The following PHYHD1 variants were observed in gnomAD, a reference collection of about 807,000 sequenced individuals.
The protein encoded by PHYHD1 is phytanoyl-CoA dioxygenase domain-containing protein 1.
In PHYHD1, 42 loss-of-function variants were observed where a neutral mutation model predicts 43.6. The ratio of observed to expected loss-of-function variants is 0.96; its 90% confidence interval spans 0.75 to 1.25. The LOEUF is 1.25. Among genes scored for constraint, PHYHD1 ranks in the 50% most tolerant of loss-of-function variants. PHYHD1 has a pLI of 0.00. For synonymous variants in PHYHD1, 139 were observed against 143.6 expected, an observed-to-expected ratio of 0.97 and a Z score of 0.23; for missense variants, 342 against 370.8, an observed-to-expected ratio of 0.92 and a Z score of 0.64.
intron 11 of PHYHD1, 145 bp from the exon 12 acceptor site, chr9:128,941,300 G>A: frequency 3.7e-6 from 4 of 1,070,606 alleles, no homozygotes; most frequent in East Asian, 2.4e-5. Context: ...GAGGGAGGCT[G>A]CAGATGCCTG....
chr9:128,941,450 C>G lies in PHYHD1; in HGVS notation c.709C>G (p.Leu237Val). 1 of 1,613,412 alleles carries G rather than the reference C, an allele frequency of 6.2e-7. No individual in the cohort carries two copies. Among genetic ancestry groups the G allele is most frequent in the Non-Finnish European group, 8.5e-7 (1 of 1,179,984 alleles). ...CCTGCTTGTGTCTCTGCCAGGGGCC[C>G]TGGTCCTCATCCATGGAGAAGTGGT... Reference protein sequence around the residue: ...FVPTPVQRGALVLIHGEVVHK... With the variant: ...FVPTPVQRGAVVLIHGEVVHK... The change falls in exon 12 of 13, where the codon CTG (leucine) becomes GTG (valine). Residue 237 changes from leucine to valine, a missense_variant. Physicochemically the swap from Leu to Val is conservative, Grantham distance 32 (BLOSUM62 1). Coordinates refer to ENST00000372592, the MANE Select transcript of PHYHD1 (RefSeq NM_001100876.2).
chr9:128,940,523 A>G, intron 10 of PHYHD1, 26 bp downstream of exon 10: 1 of 1,614,040 alleles, frequency 6.2e-7, no homozygotes, highest in East Asian at 2.2e-5. Flanking sequence ...TCTTCTGCCC[A>G]CTTGGGACTC....
In PHYHD1 at chr9:128,933,779, C is replaced by T; in HGVS notation, c.193-3C>T. On this transcript the variant is annotated splice_polypyrimidine_tract_variant and splice_region_variant and intron_variant, in intron 4 of 12. Transcript: ENST00000372592. The stretch of plus-strand genomic sequence containing the variant: ...TCAGTCCTCTGATGTCCCCTTTCCA[C>T]AGGGCAGCACAGACTATTTCTTGAG... 2 of 1,613,998 alleles carry T rather than the reference C, an allele frequency of 1.2e-6. No individual in the cohort carries two copies. Among genetic ancestry groups the T allele is most frequent in the Non-Finnish European group, 1.7e-6 (2 of 1,179,870 alleles).
At chr9:128,925,153 C>T (rs892712178) in intron 3 of PHYHD1, among the ~76,000 whole-genome samples, 14 of 151,550 alleles carry the variant, frequency 9.2e-5, no homozygotes, top group South Asian at 4.2e-4. Context: ...CCCATGGTGG[C>T]GGAAGGGGTG....
chr9:128,923,536 C>T (rs888050698), intron 3 of PHYHD1, among the ~76,000 whole-genome samples: 2 of 152,340 alleles, frequency 1.3e-5, no homozygotes, highest in Non-Finnish European at 2.9e-5. Flanking sequence ...TTTTTATCAG[C>T]TATACTGTGT....
chr9:128,937,076 A>G (rs1481697876), intron 8 of PHYHD1, among the ~76,000 whole-genome samples: 1 of 151,726 alleles, frequency 6.6e-6, no homozygotes, highest in Non-Finnish European at 1.5e-5. Flanking sequence ...GATCACGCCA[A>G]TGTACTCTAG....
intron 6 of PHYHD1, among the ~76,000 whole-genome samples, chr9:128,934,725 G>A (rs1357892000): frequency 6.6e-6 from 1 of 151,310 alleles, no homozygotes; most frequent in East Asian, 1.9e-4. Flanking sequence ...CCGATATCAT[G>A]CCATTGCACT....
chr9:128,937,492 C>T lies in PHYHD1; in HGVS notation c.436-265C>T, dbSNP rs17485367. 3.9e-3 allele frequency among the ~76,000 whole-genome samples: 594 copies of T among 152,304 alleles called. 10 individuals are homozygous for T. The highest frequency in any genetic ancestry group is 0.014 in the African/African-American group (571 of 41,578). ...CTGGCCTGTGTCCTAGCCTCTCCCTCCAGTCCTTGCCCTGCTCTGCTCTGT... is the reference window on the plus strand; with the variant it reads ...CTGGCCTGTGTCCTAGCCTCTCCCTTCAGTCCTTGCCCTGCTCTGCTCTGT... On this transcript the variant is annotated intron_variant, in intron 8 of 12. Coordinates refer to ENST00000372592, the MANE Select transcript of PHYHD1 (RefSeq NM_001100876.2).
Position 128,940,620 on chromosome 9 carries a change from TC to T in PHYHD1, c.610del (p.Arg204GlyfsTer102), listed in dbSNP as rs1841533838. Reference sequence around the variant, plus strand: ...GCAGGTGGTGTGTCAAGAAGGATGGTCCGGGCCCCTGTTGGCTCAGCGCCTG... The same window carrying T: ...GCAGGTGGTGTGTCAAGAAGGATGGTCGGGCCCCTGTTGGCTCAGCGCCTG... ...SHTSGVSRRM[V>X]RAPVGSAPGT... On this transcript the variant is annotated frameshift_variant, in exon 11 of 13. Transcript: ENST00000372592. LOFTEE classifies it high-confidence loss of function. The T allele has an allele frequency of 1.2e-6, 2 of 1,614,048 alleles. No individual in the cohort carries two copies. Among genetic ancestry groups the T allele is most frequent in the Non-Finnish European group, 1.7e-6 (2 of 1,180,038 alleles).
At chr9:128,939,371 G>A (rs1426081884) in intron 9 of PHYHD1, among the ~76,000 whole-genome samples, 1 of 126,758 alleles carries the variant, frequency 7.9e-6, no homozygotes, top group Non-Finnish European at 1.8e-5. Flanking sequence ...CTAAGGTCAG[G>A]AGTTTGAGAC....
At position 128,941,429 on chromosome 9, in the gene PHYHD1, C is replaced by T; in HGVS notation, c.704-16C>T. 1 of 1,612,052 alleles carries T rather than the reference C, an allele frequency of 6.2e-7. No individual in the cohort carries two copies. Among genetic ancestry groups the T allele is most frequent in the Non-Finnish European group, 8.5e-7 (1 of 1,179,954 alleles). ...GTGGGGCTGGTAGGTTCCTGACCTG[C>T]TTGTGTCTCTGCCAGGGGCCCTGGT... On this transcript the variant is annotated splice_polypyrimidine_tract_variant and intron_variant, in intron 11 of 12. Transcript: ENST00000372592.
intron 6 of PHYHD1, 24 bp from the exon 7 acceptor site, chr9:128,936,424 C>T (rs772677994): frequency 7.5e-6 from 12 of 1,602,042 alleles, no homozygotes; most frequent in Non-Finnish European, 1.0e-5. Context: ...GAGATGGGGC[C>T]GACAGCTTCC....
chr9:128,932,178 A>ATTTTTTTTTTTTTTTTT (rs200138931), intron 4 of PHYHD1, among the ~76,000 whole-genome samples: 2 of 107,894 alleles, frequency 1.9e-5, no homozygotes, highest in African/African-American at 9.0e-5. Context: ...TGTTATTATT[A>ATTTTTTTTTTTTTTTTT]TTATTATTTT....
intron 4 of PHYHD1, among the ~76,000 whole-genome samples, chr9:128,931,648 T>C (rs962020107): frequency 1.3e-5 from 2 of 151,598 alleles, no homozygotes; most frequent in Non-Finnish European, 2.9e-5. Context: ...CCTCAGCCTC[T>C]GGAGTAGCTG....
Position 128,933,822 on chromosome 9 carries a change from G to A in PHYHD1, c.233G>A (p.Arg78Gln), listed in dbSNP as rs758462227. The A allele has an allele frequency of 6.8e-6, 11 of 1,614,012 alleles. No homozygotes were observed. The highest frequency in any genetic ancestry group is 6.7e-5 in the African/African-American group (5 of 74,914). ...DYFLSSGDKI[R>Q]FFFEKGVFDE... ...TTCTTGAGCAGTGGTGACAAGATTC[G>A]ATTCTTCTTTGAGAAAGGCGTTTTT... Residue 78 changes from arginine to glutamine, a missense_variant, in exon 5 of 13, where the codon CGA (arginine) becomes CAA (glutamine). Physicochemically the swap from Arg to Gln is conservative, Grantham distance 43. Coordinates refer to ENST00000372592, the MANE Select transcript of PHYHD1 (RefSeq NM_001100876.2).
intron 6 of PHYHD1, among the ~76,000 whole-genome samples, chr9:128,934,424 G>A (rs1007917970): frequency 1.3e-4 from 20 of 150,434 alleles, no homozygotes; most frequent in East Asian, 7.8e-4. Flanking sequence ...AAAGGAAAAA[G>A]CATGGGGAAA....
intron 9 of PHYHD1, among the ~76,000 whole-genome samples, chr9:128,940,018 T>C (rs1219044420): frequency 6.6e-6 from 1 of 152,098 alleles, no homozygotes; most frequent in African/African-American, 2.4e-5. Flanking sequence ...TTGTCCCTGG[T>C]TAAGAAGGGT....
rs937343126 is a variant in PHYHD1 at position 128,937,889 on chromosome 9, G to C, written c.457+111G>C. On this transcript the variant is annotated intron_variant, in intron 9 of 12. Transcript: ENST00000372592. ...AAGCGCTTGCTCCTGTCTGTTGTAG[G>C]AGCCTGGCCCGGAGAGGAGGAGCCA... The C allele has an allele frequency of 3.2e-6, 5 of 1,578,324 alleles. No individual in the cohort carries two copies. The Admixed American group carries it at 7.4e-5, about 23-fold the overall frequency.
In PHYHD1 at chr9:128,925,447, G is replaced by A. The variant is rs1209895824; in HGVS notation, c.34-1591G>A. On this transcript the variant is annotated intron_variant, in intron 3 of 12. Transcript: ENST00000372592. ...CACCTTGCTGGCCAGGCTAGTCTCCGACTCCTGACCTCAAGCAATCCACCC... is the reference window on the plus strand; with the variant it reads ...CACCTTGCTGGCCAGGCTAGTCTCCAACTCCTGACCTCAAGCAATCCACCC... Among the ~76,000 whole-genome samples, 9 of 151,726 alleles carry A rather than the reference G, an allele frequency of 5.9e-5. No individual in the cohort carries two copies. In the South Asian group the frequency reaches 1.3e-3, roughly 21 times the overall value.
Sources: allele counts gnomAD v4.1 joint callset (sites outside exome capture counted in the v4.1 genomes callset), GRCh38; gene constraint gnomAD v4.1.1; transcripts MANE v1.5; gene names NCBI Gene and HGNC (gene_info 2026-07-23, HGNC 2026-07-21).